The following DLG5 variants were observed in gnomAD, a reference collection of about 807,000 sequenced individuals.
DLG5 encodes the protein disks large homolog 5.
In DLG5, 48 loss-of-function variants were observed where a neutral mutation model predicts 189.8. That is an observed-to-expected ratio of 0.25 (90% CI 0.20 to 0.32). DLG5 has a LOEUF of 0.32. Ranked by LOEUF, DLG5 falls within the 10% of genes least tolerant of loss-of-function variation. DLG5 has a pLI of 1.00. For missense variants in DLG5, 2,160 were observed against 2,544.7 expected, an observed-to-expected ratio of 0.85 and a Z score of 3.25; for synonymous variants, 1,016 against 1,054.1, an observed-to-expected ratio of 0.96 and a Z score of 0.70.
At chr10:77,794,178 C>T in intron 30 of DLG5, 61 bp from the exon 31 acceptor site, 1 of 1,502,826 alleles carries the variant, frequency 6.7e-7, no homozygotes, top group Non-Finnish European at 9.2e-7. Flanking sequence ...TCTTTCCTTC[C>T]TCTGTCCAGG....
intron 4 of DLG5, among the ~76,000 whole-genome samples, chr10:77,853,847 G>A (rs1160810540): frequency 6.6e-6 from 1 of 152,118 alleles, no homozygotes; most frequent in Admixed American, 6.6e-5. Flanking sequence ...ATCAGCAGGT[G>A]GGCAGGCAAA....
intron 1 of DLG5, among the ~76,000 whole-genome samples, chr10:77,886,795 T>C (rs1018215945): frequency 6.6e-6 from 1 of 152,178 alleles, no homozygotes; most frequent in African/African-American, 2.4e-5. Flanking sequence ...TATGAGGCCA[T>C]GAGGGTGGGC....
chr10:77,852,693 G>A (rs1476633547), intron 5 of DLG5, among the ~76,000 whole-genome samples: 2 of 152,154 alleles, frequency 1.3e-5, no homozygotes, highest in South Asian at 2.1e-4. Flanking sequence ...TTACAGGCGT[G>A]AGCCACCGCA....
At chr10:77,881,263 C>G (rs12572800) in intron 1 of DLG5, among the ~76,000 whole-genome samples, 5,807 of 152,186 alleles carry the variant, frequency 0.038, 242 homozygotes, top group East Asian at 0.25. Flanking sequence ...CCTTCTCCCA[C>G]TGGATAGAAA....
chr10:77,884,161 G>A (rs1016173694), intron 1 of DLG5, among the ~76,000 whole-genome samples: 5 of 152,194 alleles, frequency 3.3e-5, no homozygotes, highest in Admixed American at 3.3e-4. Context: ...GCAATGGGGT[G>A]GAGGGAGCCT....
intron 1 of DLG5, among the ~76,000 whole-genome samples, chr10:77,908,059 G>A (rs1025146499): frequency 2.0e-5 from 3 of 152,106 alleles, no homozygotes; most frequent in Admixed American, 2.0e-4. Context: ...AGGGAGTCAC[G>A]GATCCCACTG....
At chr10:77,877,037 A>G (rs1445901724) in intron 1 of DLG5, among the ~76,000 whole-genome samples, 3 of 152,140 alleles carry the variant, frequency 2.0e-5, no homozygotes, top group African/African-American at 7.2e-5. Flanking sequence ...TTTTGTGTCC[A>G]TTCCTTAACA....
intron 1 of DLG5, among the ~76,000 whole-genome samples, chr10:77,913,386 A>C (rs186553756): frequency 1.7e-4 from 26 of 152,338 alleles, no homozygotes; most frequent in Middle Eastern, 3.4e-3. Flanking sequence ...GCCACCAATA[A>C]AATGACATCT....
intron 1 of DLG5, among the ~76,000 whole-genome samples, chr10:77,924,092 T>C (rs1452705297): frequency 6.6e-6 from 1 of 152,178 alleles, no homozygotes; most frequent in Admixed American, 6.5e-5. Context: ...CTCGAACTCC[T>C]GGCCTTAAGA....
At chr10:77,906,320 G>A (rs1447413717) in intron 1 of DLG5, among the ~76,000 whole-genome samples, 1 of 152,218 alleles carries the variant, frequency 6.6e-6, no homozygotes, top group South Asian at 2.1e-4. Context: ...AAACAGGATC[G>A]AGCTCAAGGT....
intron 7 of DLG5, among the ~76,000 whole-genome samples, chr10:77,836,756 G>A (rs908766046): frequency 6.6e-5 from 10 of 152,094 alleles, no homozygotes; most frequent in Admixed American, 5.9e-4. Context: ...ATCAAAACTC[G>A]AGGGTGACAG....
In DLG5 at chr10:77,882,862, C is replaced by T. The variant is rs897160356; in HGVS notation, c.305-13665G>A. Among the ~76,000 whole-genome samples the T allele has an allele frequency of 4.0e-5, 6 of 150,840 alleles. No homozygotes were observed. The South Asian group carries it at 1.1e-3, about 26-fold the overall frequency. ...CTGGGAAACAGAGGTTGCAGTGGGC[C>T]GAGATCACTCCACTGCACTCCAGCC... On this transcript the variant is annotated intron_variant, in intron 1 of 31. Coordinates refer to ENST00000372391, the MANE Select transcript of DLG5 (RefSeq NM_004747.4).
chr10:77,890,536 G>T (rs1006032693), intron 1 of DLG5, among the ~76,000 whole-genome samples: 1 of 152,142 alleles, frequency 6.6e-6, no homozygotes, highest in Admixed American at 6.5e-5. Flanking sequence ...ACACTTTACG[G>T]CCGGGCACGG....
Position 77,821,181 on chromosome 10 carries a change from C to T in DLG5, c.3303G>A (p.Gln1101=), listed in dbSNP as rs904942698. 11 of 1,614,024 alleles carry T rather than the reference C, an allele frequency of 6.8e-6. No individual in the cohort carries two copies. Among genetic ancestry groups the T allele is most frequent in the Non-Finnish European group, 9.3e-6 (11 of 1,180,028 alleles). The change falls in exon 15 of 32, where the codon CAG becomes CAA. Residue 1101 remains glutamine, a synonymous_variant. Transcript: ENST00000372391. ...GCTTCTGCCCCAGCTCATCCACCTTCTGGGAGGTGAGGTCCTCATCACAGG... is the reference window on the plus strand; with the variant it reads ...GCTTCTGCCCCAGCTCATCCACCTTTTGGGAGGTGAGGTCCTCATCACAGG... ...KKSCDEDLTS[Q]KVDELGQKRR...
intron 15 of DLG5, 25 bp from the exon 16 acceptor site, chr10:77,820,043 C>G: frequency 6.2e-7 from 1 of 1,611,746 alleles, no homozygotes; most frequent in Non-Finnish European, 8.5e-7. Context: ...GCAAGAGTGT[C>G]TGCTAGAAAG....
At position 77,926,121 on chromosome 10, in the gene DLG5, AGGTGGAGCG is replaced by A; in HGVS notation, c.304+87_304+95del. ...GAGCGAGTCCACCGAGGCCATCGCCAGGTGGAGCGGCGGCCCCGGCGAGGTACCCTCGGC... is the reference window on the plus strand; with the variant it reads ...GAGCGAGTCCACCGAGGCCATCGCCAGCGGCCCCGGCGAGGTACCCTCGGC... On this transcript the variant is annotated intron_variant, in intron 1 of 31. Transcript: ENST00000372391. This position sits in a 1 kb window ranked among gnomAD's most constrained non-coding sequence, Gnocchi z 5.2. 2.4e-6 allele frequency: 3 copies of A among 1,233,162 alleles called. No homozygotes were observed. In the East Asian group the frequency reaches 9.5e-5, roughly 39 times the overall value. The allele number at this position is 1,233,162 out of a possible 1,614,324, so 76.4% of individuals were successfully genotyped here. A position where few individuals can be genotyped will look rare whatever the true frequency, so the allele number is the denominator to read the frequency against.
intron 30 of DLG5, among the ~76,000 whole-genome samples, chr10:77,794,395 T>C (rs952027188): frequency 3.9e-5 from 6 of 152,202 alleles, no homozygotes; most frequent in African/African-American, 1.4e-4. Flanking sequence ...AAAGGCAAAA[T>C]GGAGCAGGGC....
At chr10:77,856,683 T>C in intron 3 of DLG5, 47 bp downstream of exon 3, 1 of 1,593,104 alleles carries the variant, frequency 6.3e-7, no homozygotes, top group Non-Finnish European at 8.6e-7. Flanking sequence ...ATCGGGGTAG[T>C]AATCCCAACC....
rs1263163710 is a variant in DLG5, at chr10:77,855,560, G to A, written c.536+1170C>T. On this transcript the variant is annotated intron_variant, in intron 3 of 31. Transcript: ENST00000372391. The stretch of plus-strand genomic sequence containing the variant: ...CAGTCATAGACACTTTGTAACCAAT[G>A]AGCATGGCTGTGTTCCAATAAAACT... Among the ~76,000 whole-genome samples the A allele has an allele frequency of 2.0e-5, 3 of 152,242 alleles. 1 individual carries two copies. Among genetic ancestry groups the A allele is most frequent in the South Asian group, 4.1e-4 (2 of 4,834 alleles).
Sources: allele counts gnomAD v4.1 joint callset (sites outside exome capture counted in the v4.1 genomes callset), GRCh38; gene constraint gnomAD v4.1.1; non-coding constraint Gnocchi (gnomAD v3.1); transcripts MANE v1.5; gene names NCBI Gene and HGNC (gene_info 2026-07-23, HGNC 2026-07-21).